Variants in ZNF566 observed in about 807,000 individuals in gnomAD.
ZNF566 encodes zinc finger protein 566.
In ZNF566, 27 loss-of-function variants were observed where a neutral mutation model predicts 32.8. That is an observed-to-expected ratio of 0.82 (90% CI 0.61 to 1.14). The LOEUF is 1.14. Ranked by LOEUF, ZNF566 falls within the 50% of genes most tolerant of loss-of-function variation. The probability of loss-of-function intolerance (pLI) is 0.00; values close to 1 mark genes in which losing one functional copy is unlikely to be tolerated. For synonymous variants in ZNF566, 154 were observed against 159.5 expected (o/e 0.97, Z 0.26); for missense variants, 402 against 490.4 (o/e 0.82, Z 1.70).
rs541310910 is a variant in ZNF566 at position 36,445,496 on chromosome 19, A to G, written c.*3481T>C. On this transcript the variant is annotated 3_prime_UTR_variant, in exon 5 of 5. Coordinates refer to ENST00000452939, the MANE Select transcript of ZNF566 (RefSeq NM_001145344.1). ...TCTCTTGCCCTCTGAAATCTTCCAG[A>G]AGCAAAACCTTCCTAGGAAACATAG... 6.6e-6 allele frequency: 1 copy of G among 152,300 alleles called. No homozygotes were observed. Among genetic ancestry groups the G allele is most frequent in the African/African-American group, 2.4e-5 (1 of 41,558 alleles). 9.4% of individuals were successfully genotyped at this position (152,300 alleles called of 1,614,324 possible).
intron 1 of ZNF566, among the ~76,000 whole-genome samples, chr19:36,476,946 A>G (rs988413346): frequency 1.2e-4 from 19 of 152,370 alleles, no homozygotes; most frequent in African/African-American, 4.6e-4. Context: ...CAATTAGCAC[A>G]TATTGTGTTA....
At chr19:36,462,413 CT>C (rs1328700965) in intron 4 of ZNF566, among the ~76,000 whole-genome samples, 3 of 152,186 alleles carry the variant, frequency 2.0e-5, no homozygotes, top group Non-Finnish European at 2.9e-5. Flanking sequence ...AACGCTGGGG[CT>C]TTAGTTACCT....
In ZNF566 at chr19:36,477,526, G is replaced by GTTTTTTTTTTTTTTTTTT. The variant is rs767741591; in HGVS notation, c.-59-911_-59-910insAAAAAAAAAAAAAAAAAA. 2.3e-4 allele frequency among the ~76,000 whole-genome samples: 25 copies of GTTTTTTTTTTTTTTTTTT among 107,022 alleles called. 4 individuals carry two copies. Among genetic ancestry groups the GTTTTTTTTTTTTTTTTTT allele is most frequent in the Non-Finnish European group, 4.3e-4 (22 of 51,000 alleles). The allele number at this position is 107,022 out of a possible 152,430, so 70.2% of individuals were successfully genotyped here. A position where few individuals can be genotyped will look rare whatever the true frequency, so the allele number is the denominator to read the frequency against. On this transcript the variant is annotated intron_variant, in intron 1 of 4. Transcript: ENST00000452939. ...TGGGTCAAACCAGTTTTCTGTTTCT[G>GTTTTTTTTTTTTTTTTTT]TTTTTTTTTTGTTTGTTTGTTTGTT...
intron 4 of ZNF566, among the ~76,000 whole-genome samples, chr19:36,463,534 TTTC>T (rs983327076): frequency 2.7e-5 from 4 of 149,620 alleles, no homozygotes; most frequent in African/African-American, 4.9e-5. Context: ...TTCAATGTAA[TTTC>T]TTTTTTTTTT....
rs34170364 is a variant in ZNF566 at position 36,467,434 on chromosome 19, CAAAAAAAAAA to C, written c.232+5467_232+5476del. 2.1e-4 allele frequency among the ~76,000 whole-genome samples: 16 copies of C among 77,540 alleles called. No individual in the cohort carries two copies. The East Asian group carries it at 6.4e-3, about 31-fold the overall frequency. The allele number at this position is 77,540 out of a possible 152,430, so 50.9% of individuals were successfully genotyped here. A position where few individuals can be genotyped will look rare whatever the true frequency, so the allele number is the denominator to read the frequency against. ...TGGGCAACAATGTGAGGCTCTGTCT[CAAAAAAAAAA>C]AAAAAAAAAGAATTTCAAAAAACCA... On this transcript the variant is annotated intron_variant, in intron 4 of 4. Coordinates refer to ENST00000452939, the MANE Select transcript of ZNF566 (RefSeq NM_001145344.1).
chr19:36,456,622 A>C (rs2033322372), intron 4 of ZNF566: 1 of 151,972 alleles, frequency 6.6e-6, no homozygotes, highest in African/African-American at 2.4e-5. Context: ...TAGAAGAAAT[A>C]CCTAATGTAG....
intron 4 of ZNF566, among the ~76,000 whole-genome samples, chr19:36,452,935 T>C (rs1231839696): frequency 6.6e-6 from 1 of 151,798 alleles, no homozygotes; most frequent in Non-Finnish European, 1.5e-5. Context: ...CTGCCCAATA[T>C]GGTGAAACCC....
intron 1 of ZNF566, chr19:36,489,279 CCA>C (rs767500074): frequency 5.0e-5 from 10 of 199,534 alleles, no homozygotes; most frequent in Non-Finnish European, 9.3e-5. Flanking sequence ...ACACCAGCAG[CCA>C]CAGTCTCCGA....
At chr19:36,477,838 T>C (rs2033935592) in intron 1 of ZNF566, among the ~76,000 whole-genome samples, 1 of 152,066 alleles carries the variant, frequency 6.6e-6, no homozygotes, top group African/African-American at 2.4e-5. Context: ...TATAAACATC[T>C]TCACTTTAAG....
At chr19:36,461,694 T>A (rs1600149125) in intron 4 of ZNF566, among the ~76,000 whole-genome samples, 1 of 151,724 alleles carries the variant, frequency 6.6e-6, no homozygotes, top group Non-Finnish European at 1.5e-5. Context: ...TAAAATAAAA[T>A]AAAAAAATAA....
At chr19:36,459,011 G>A (rs1425764193) in intron 4 of ZNF566, among the ~76,000 whole-genome samples, 2 of 151,946 alleles carry the variant, frequency 1.3e-5, no homozygotes, top group African/African-American at 4.8e-5. Context: ...GCACCACCAC[G>A]CCTGGCCAAT....
At chr19:36,456,058 A>G (rs1289166182) in intron 4 of ZNF566, among the ~76,000 whole-genome samples, 1 of 152,040 alleles carries the variant, frequency 6.6e-6, no homozygotes, top group Non-Finnish European at 1.5e-5. Context: ...AAAAAAAAGT[A>G]ATAAATGTAT....
chr19:36,459,963 C>T (rs953842465), intron 4 of ZNF566, among the ~76,000 whole-genome samples: 1 of 150,988 alleles, frequency 6.6e-6, no homozygotes, highest in Non-Finnish European at 1.5e-5. Flanking sequence ...TGAGATCATA[C>T]GCAGCTATTT....
At position 36,480,288 on chromosome 19, in the gene ZNF566, C is replaced by CTTTTT. The variant is rs773998048; in HGVS notation, c.-59-3677_-59-3673dup. Among the ~76,000 whole-genome samples the CTTTTT allele has an allele frequency of 6.3e-4, 86 of 136,846 alleles. 5 individuals are homozygous for CTTTTT. The highest frequency in any genetic ancestry group is 8.3e-4 in the Non-Finnish European group (53 of 63,474). 89.8% of individuals were successfully genotyped at this position (136,846 alleles called of 152,430 possible). On this transcript the variant is annotated intron_variant, in intron 1 of 4. Transcript: ENST00000452939. ...CAAAGACTCCATGCAATTTTTTTTT[C>CTTTTT]TTTTTTTTTTTTTTGAGACAGAGTC...
In ZNF566 at chr19:36,449,900, C is replaced by T; in HGVS notation, c.334G>A (p.Asp112Asn). Residue 112 changes from aspartate to asparagine, a missense_variant, in exon 5 of 5, where the codon GAT becomes AAT. Coordinates refer to ENST00000452939, the MANE Select transcript of ZNF566 (RefSeq NM_001145344.1). Reference sequence around the variant, plus strand: ...TCTCTGAAACTGGAGCACTGAAAATCACGTCTTGTGAGTTTTTCCATTATT... The same window carrying T: ...TCTCTGAAACTGGAGCACTGAAAATTACGTCTTGTGAGTTTTTCCATTATT... ...WEIMEKLTRRDFQCSSFRDDW... is the reference protein window; with the variant it reads ...WEIMEKLTRRNFQCSSFRDDW... 1 of 1,614,078 alleles carries T rather than the reference C, an allele frequency of 6.2e-7. No homozygotes were observed. Among genetic ancestry groups the T allele is most frequent in the Non-Finnish European group, 8.5e-7 (1 of 1,179,998 alleles).
At position 36,446,307 on chromosome 19, in the gene ZNF566, T is replaced by A. The variant is rs1347849014; in HGVS notation, c.*2670A>T. 1 of 148,298 alleles carries A rather than the reference T, an allele frequency of 6.7e-6. No individual in the cohort carries two copies. Among genetic ancestry groups the A allele is most frequent in the African/African-American group, 2.5e-5 (1 of 40,084 alleles). 9.2% of individuals were successfully genotyped at this position (148,298 alleles called of 1,614,324 possible). A position where few individuals can be genotyped will look rare whatever the true frequency, so the allele number is the denominator to read the frequency against. The stretch of plus-strand genomic sequence containing the variant: ...TTTTTTGAGACAGATTTTTTGAGAC[T>A]CTGTCATGCAGGCTGGAGTGCAGTC... On this transcript the variant is annotated 3_prime_UTR_variant, in exon 5 of 5. Coordinates refer to ENST00000452939, the MANE Select transcript of ZNF566 (RefSeq NM_001145344.1).
At chr19:36,462,124 G>T (rs1451719092) in intron 4 of ZNF566, among the ~76,000 whole-genome samples, 1 of 151,784 alleles carries the variant, frequency 6.6e-6, no homozygotes, top group African/African-American at 2.4e-5. Flanking sequence ...GAGTAGCTGG[G>T]ATTAGAGGCA....
intron 4 of ZNF566, among the ~76,000 whole-genome samples, chr19:36,456,157 T>C (rs2033304153): frequency 6.6e-6 from 1 of 151,816 alleles, no homozygotes; most frequent in South Asian, 2.1e-4. Context: ...ATCCCATGTA[T>C]AATAACATCA....
At chr19:36,467,790 C>CAAA (rs560803094) in intron 4 of ZNF566, among the ~76,000 whole-genome samples, 23 of 85,910 alleles carry the variant, frequency 2.7e-4, no homozygotes, top group Non-Finnish European at 4.1e-4. Flanking sequence ...GACTCCATCT[C>CAAA]AAAAAAAAAA....
Sources: allele counts gnomAD v4.1 joint callset (sites outside exome capture counted in the v4.1 genomes callset), GRCh38; gene constraint gnomAD v4.1.1; transcripts MANE v1.5; gene names NCBI Gene and HGNC (gene_info 2026-07-23, HGNC 2026-07-21).